The following KCNC3 variants were observed in gnomAD, a reference collection of about 807,000 sequenced individuals.
The protein encoded by KCNC3 is potassium voltage-gated channel subfamily C member 3, also known as voltage-gated potassium channel KCNC3.
KCNC3 carries 22 observed loss-of-function variants against 43.9 expected under a neutral mutation model. That is an observed-to-expected ratio of 0.50 (90% CI 0.36 to 0.72). The LOEUF is 0.72. Ranked by LOEUF, KCNC3 falls within the 30% of genes least tolerant of loss-of-function variation. KCNC3 has a pLI of 0.00. For missense variants in KCNC3, 829 were observed against 1,073.8 expected (o/e 0.77, Z 3.19); for synonymous variants, 492 against 488.0 (o/e 1.01, Z -0.11).
At chr19:50,316,495 C>T (rs1157023053) in intron 4 of KCNC3, among the ~76,000 whole-genome samples, 6 of 152,096 alleles carry the variant, frequency 3.9e-5, no homozygotes, top group African/African-American at 7.2e-5. Flanking sequence ...AATCCCAACA[C>T]TTTGGGAGGC....
chr19:50,328,427 G>A lies in KCNC3; in HGVS notation c.656C>T (p.Ala219Val), dbSNP rs1439350386. 1.3e-6 allele frequency: 2 copies of A among 1,531,116 alleles called. No homozygotes were observed. The highest frequency in any genetic ancestry group is 1.7e-6 in the Non-Finnish European group (2 of 1,142,888). The allele number at this position is 1,531,116 out of a possible 1,614,324, so 94.8% of individuals were successfully genotyped here. A position where few individuals can be genotyped will look rare whatever the true frequency, so the allele number is the denominator to read the frequency against. The change falls in exon 1 of 5, where the codon GCC becomes GTC. Residue 219 changes from alanine to valine, a missense_variant. This residue lies in a region of KCNC3 where 121 missense variants were observed against 247.4 expected (regional missense o/e 0.49). Coordinates refer to ENST00000477616, the MANE Select transcript of KCNC3 (RefSeq NM_004977.3). ...CTCGTCGTCCAGGCCTCCGTCGTGG[G>A]CGCCTGCGGCGTTGGCGGCGTTGGC... ...GAANAANAAGAHDGGLDDEAG... is the reference protein window; with the variant it reads ...GAANAANAAGVHDGGLDDEAG...
At position 50,323,649 on chromosome 19, in the gene KCNC3, C is replaced by T. The variant is rs1168301867; in HGVS notation, c.1304G>A (p.Arg435His). ...FKLTRHFVGL[R>H]VLGHTLRAST... ...GGCGCGGAGCGTGTGTCCCAGCACG[C>T]GCAGCCCCACGAAGTGCCGGGTCAG... Residue 435 changes from arginine to histidine, a missense_variant, in exon 2 of 5, where the codon CGC (arginine) becomes CAC (histidine). Arg to His is a conservative substitution (Grantham distance 29). Transcript: ENST00000477616. 1 of 1,614,128 alleles carries T rather than the reference C, an allele frequency of 6.2e-7. No homozygotes were observed. Among genetic ancestry groups the T allele is most frequent in the Non-Finnish European group, 8.5e-7 (1 of 1,180,046 alleles).
At chr19:50,317,261 C>G (rs1287724384) in intron 4 of KCNC3, among the ~76,000 whole-genome samples, 1 of 151,964 alleles carries the variant, frequency 6.6e-6, no homozygotes, top group Non-Finnish European at 1.5e-5. Context: ...GCCAGACAGT[C>G]CCCCCTCTGG....
intron 2 of KCNC3, among the ~76,000 whole-genome samples, chr19:50,321,694 C>T (rs933232014): frequency 5.9e-5 from 9 of 152,012 alleles, no homozygotes; most frequent in Non-Finnish European, 7.4e-5. Flanking sequence ...CACTTGAACC[C>T]GGGAGGCGGA....
Position 50,328,826 on chromosome 19 carries a change from T to TCGC in KCNC3, c.254_256dup (p.Gly85dup). 1 of 1,497,714 alleles carries TCGC rather than the reference T, an allele frequency of 6.7e-7. No individual in the cohort carries two copies. Among genetic ancestry groups the TCGC allele is most frequent in the African/African-American group, 1.5e-5 (1 of 68,744 alleles). The allele number at this position is 1,497,714 out of a possible 1,614,324, so 92.8% of individuals were successfully genotyped here. A position where few individuals can be genotyped will look rare whatever the true frequency, so the allele number is the denominator to read the frequency against. On this transcript the variant is annotated inframe_insertion, in exon 1 of 5. Coordinates refer to ENST00000477616, the MANE Select transcript of KCNC3 (RefSeq NM_004977.3). The stretch of plus-strand genomic sequence containing the variant: ...CACGTTGATCACGATCTTGCCGCTG[T>TCGC]CGCCACCGCCGCCGCCGTGCCGCCC...
chr19:50,330,016 C>A (rs2037167344), upstream of KCNC3, among the ~76,000 whole-genome samples: 1 of 152,140 alleles, frequency 6.6e-6, no homozygotes, highest in South Asian at 2.1e-4. Context: ...CCTGTAACGC[C>A]AGCACTTTGC....
In KCNC3 at chr19:50,324,166, C is replaced by T. The variant is rs2037074161; in HGVS notation, c.871-84G>A. 2.2e-6 allele frequency: 3 copies of T among 1,389,882 alleles called. No homozygotes were observed. Among genetic ancestry groups the T allele is most frequent in the Admixed American group, 4.8e-5 (2 of 41,464 alleles). 86.1% of individuals were successfully genotyped at this position (1,389,882 alleles called of 1,614,324 possible). On this transcript the variant is annotated intron_variant, in intron 1 of 4. Coordinates refer to ENST00000477616, the MANE Select transcript of KCNC3 (RefSeq NM_004977.3). This position sits in a 1 kb window ranked among gnomAD's most constrained non-coding sequence, Gnocchi z 4.1. The stretch of plus-strand genomic sequence containing the variant: ...AACATCCAGAAGACCCTTCCAGTGC[C>T]CCCTTCCCCAGCCTCCTGGGCCCAA...
In KCNC3 at chr19:50,314,485, T is replaced by G; in HGVS notation, c.*1630A>C. 5.7e-6 allele frequency: 1 copy of G among 176,148 alleles called. No individual in the cohort carries two copies. Among genetic ancestry groups the G allele is most frequent in the South Asian group, 9.7e-5 (1 of 10,348 alleles). 10.9% of individuals were successfully genotyped at this position (176,148 alleles called of 1,614,324 possible). ...GCTTATTGCTGAGGTGGACTTGGAG[T>G]GGGGGCTCCAGGTTAGGGAAGGCAT... is the stretch of plus-strand genomic sequence containing the variant. On this transcript the variant is annotated 3_prime_UTR_variant, in exon 5 of 5. Coordinates refer to ENST00000477616, the MANE Select transcript of KCNC3 (RefSeq NM_004977.3).
rs1022646276 is a variant in KCNC3 at position 50,324,732 on chromosome 19, G to C, written c.871-650C>G. Among the ~76,000 whole-genome samples the C allele has an allele frequency of 2.6e-5, 4 of 152,156 alleles. No homozygotes were observed. The highest frequency in any genetic ancestry group is 9.7e-5 in the African/African-American group (4 of 41,424). The stretch of plus-strand genomic sequence containing the variant: ...GACTTGGCTCCAAACACAGTGCTTG[G>C]AGCAGTGCCTGGAACACAGTAAGAA... On this transcript the variant is annotated intron_variant, in intron 1 of 4. Coordinates refer to ENST00000477616, the MANE Select transcript of KCNC3 (RefSeq NM_004977.3). The surrounding 1 kb of genome is among the most constrained non-coding windows in gnomAD (Gnocchi z 4.1).
At chr19:50,328,045 G>T (rs546738874) in intron 1 of KCNC3, among the ~76,000 whole-genome samples, 168 bp downstream of exon 1, 72 of 151,450 alleles carry the variant, frequency 4.8e-4, no homozygotes, top group African/African-American at 1.7e-3. Context: ...GCTGCGAGAG[G>T]GGGGTGTGTT....
chr19:50,328,590 G>A lies in KCNC3; in HGVS notation c.493C>T (p.Pro165Ser), dbSNP rs1568573859. 1.2e-6 allele frequency: 2 copies of A among 1,611,272 alleles called. No homozygotes were observed. Among genetic ancestry groups the A allele is most frequent in the Non-Finnish European group, 1.7e-6 (2 of 1,179,520 alleles). The change falls in exon 1 of 5, where the codon CCC (proline) becomes TCC (serine). Residue 165 changes from proline to serine, a missense_variant. Pro to Ser is a moderately conservative substitution (Grantham distance 74, BLOSUM62 -1). Coordinates refer to ENST00000477616, the MANE Select transcript of KCNC3 (RefSeq NM_004977.3). Reference protein sequence around the residue: ...KLHCPADVCGPLFEEELGFWG... With the variant: ...KLHCPADVCGSLFEEELGFWG... ...AAGCCGAGCTCCTCCTCAAACAGGGGCCCGCACACGTCGGCTGGGCAGTGC... is the reference window on the plus strand; with the variant it reads ...AAGCCGAGCTCCTCCTCAAACAGGGACCCGCACACGTCGGCTGGGCAGTGC...
rs553065733 is a variant in KCNC3 at position 50,324,599 on chromosome 19, A to T, written c.871-517T>A. Among the ~76,000 whole-genome samples the T allele has an allele frequency of 4.3e-4, 66 of 152,296 alleles. No individual in the cohort carries two copies. The highest frequency in any genetic ancestry group is 3.4e-3 in the Middle Eastern group (1 of 294). ...TGGTTAAGAGTCGGCGAGCCTGGGC[A>T]TGAATCTGGCTTTTAACCTGTCAAA... is the stretch of plus-strand genomic sequence containing the variant. On this transcript the variant is annotated intron_variant, in intron 1 of 4. Transcript: ENST00000477616. The surrounding 1 kb of genome is among the most constrained non-coding windows in gnomAD (Gnocchi z 4.1).
Position 50,328,246 on chromosome 19 carries a change from G to C in KCNC3, c.837C>G (p.Leu279=). The change falls in exon 1 of 5, where the codon CTC becomes CTG. Residue 279 remains leucine, a synonymous_variant. Transcript: ENST00000477616. ...WRRWQPRVWA[L]FEDPYSSRAA... is the part of the protein sequence containing the mutation. ...CCCGCGACGAGTAGGGGTCCTCGAA[G>C]AGCGCCCACACGCGGGGCTGCCAGC... 8.3e-7 allele frequency: 1 copy of C among 1,202,112 alleles called. No homozygotes were observed. Among genetic ancestry groups the C allele is most frequent in the Non-Finnish European group, 1.0e-6 (1 of 969,120 alleles). 74.5% of individuals were successfully genotyped at this position (1,202,112 alleles called of 1,614,324 possible).
Position 50,315,948 on chromosome 19 carries a change from T to A in KCNC3, c.*167A>T, listed in dbSNP as rs985372943. On this transcript the variant is annotated 3_prime_UTR_variant, in exon 5 of 5. Coordinates refer to ENST00000477616, the MANE Select transcript of KCNC3 (RefSeq NM_004977.3). ...GGGAGCTGTCTGGACAAAAGGTGTC[T>A]TGATCGTAGGAGGGAGGGCTTGGGG... 2 of 343,736 alleles carry A rather than the reference T, an allele frequency of 5.8e-6. No homozygotes were observed. The highest frequency in any genetic ancestry group is 9.0e-5 in the East Asian group (2 of 22,132). The allele number at this position is 343,736 out of a possible 1,614,324, so 21.3% of individuals were successfully genotyped here.
chr19:50,332,910 A>G (rs999804047), upstream of KCNC3, among the ~76,000 whole-genome samples: 7 of 151,688 alleles, frequency 4.6e-5, no homozygotes, highest in Non-Finnish European at 1.0e-4. This position sits in a 1 kb window ranked among gnomAD's most constrained non-coding sequence, Gnocchi z 5.8. Context: ...CCTGACTTCT[A>G]CGACCCCTTC....
Position 50,328,205 on chromosome 19 carries a change from G to A in KCNC3, c.870+8C>T, listed in dbSNP as rs1382409341. The A allele has an allele frequency of 1.7e-6, 2 of 1,189,384 alleles. No individual in the cohort carries two copies. Among genetic ancestry groups the A allele is most frequent in the Non-Finnish European group, 2.1e-6 (2 of 960,908 alleles). The allele number at this position is 1,189,384 out of a possible 1,614,324, so 73.7% of individuals were successfully genotyped here. A position where few individuals can be genotyped will look rare whatever the true frequency, so the allele number is the denominator to read the frequency against. ...TGGGGTGGATGGGGGCCCCGAGAGC[G>A]CGCTCACCCTGGCAGCCCGCGACGA... On this transcript the variant is annotated splice_region_variant and intron_variant, in intron 1 of 4. Coordinates refer to ENST00000477616, the MANE Select transcript of KCNC3 (RefSeq NM_004977.3).
Position 50,324,159 on chromosome 19 carries a change from C to A in KCNC3, c.871-77G>T. The A allele has an allele frequency of 7.0e-7, 1 of 1,418,744 alleles. No homozygotes were observed. Among genetic ancestry groups the A allele is most frequent in the Non-Finnish European group, 9.5e-7 (1 of 1,058,192 alleles). 87.9% of individuals were successfully genotyped at this position (1,418,744 alleles called of 1,614,324 possible). The stretch of plus-strand genomic sequence containing the variant: ...TGGCCATAACATCCAGAAGACCCTT[C>A]CAGTGCCCCCTTCCCCAGCCTCCTG... On this transcript the variant is annotated intron_variant, in intron 1 of 4. Transcript: ENST00000477616. This position sits in a 1 kb window ranked among gnomAD's most constrained non-coding sequence, Gnocchi z 4.1.
At position 50,328,462 on chromosome 19, in the gene KCNC3, G is replaced by C; in HGVS notation, c.621C>G (p.Pro207=). 1 of 1,594,110 alleles carries C rather than the reference G, an allele frequency of 6.3e-7. No homozygotes were observed. Among genetic ancestry groups the C allele is most frequent in the South Asian group, 1.1e-5 (1 of 89,594 alleles). Residue 207 remains proline, a synonymous_variant, in exon 1 of 5, where the codon CCC becomes CCG. Transcript: ENST00000477616. ...CGTTGGCGGCGTTGGCGGCGCCCGC[G>C]GGGTCGGGCGCCTCGAAGGAGTCGA... is the stretch of plus-strand genomic sequence containing the variant. ...EALDSFEAPD[P]AGAANAANAA... is the part of the protein sequence containing the mutation.
In KCNC3 at chr19:50,313,543, CATCTCAGGGAAGA is replaced by C. The variant is rs1265096006; in HGVS notation, c.*2559_*2571del. 6.6e-6 allele frequency: 1 copy of C among 152,164 alleles called. No individual in the cohort carries two copies. Among genetic ancestry groups the C allele is most frequent in the African/African-American group, 2.4e-5 (1 of 41,426 alleles). 9.4% of individuals were successfully genotyped at this position (152,164 alleles called of 1,614,324 possible). ...TGTGAAGAGGGTACCTTTGGGGCAC[CATCTCAGGGAAGA>C]GACTCAGGGTTAGGCGTAAGACAAA... On this transcript the variant is annotated 3_prime_UTR_variant, in exon 5 of 5. Coordinates refer to ENST00000477616, the MANE Select transcript of KCNC3 (RefSeq NM_004977.3).
Sources: allele counts gnomAD v4.1 joint callset (sites outside exome capture counted in the v4.1 genomes callset), GRCh38; gene constraint gnomAD v4.1.1; regional missense constraint gnomAD v4.1.1; non-coding constraint Gnocchi (gnomAD v3.1); transcripts MANE v1.5; gene names NCBI Gene and HGNC (gene_info 2026-07-23, HGNC 2026-07-21).